The following ZNF331 variants were observed in gnomAD, a reference collection of about 807,000 sequenced individuals.
ZNF331 encodes the protein C2H2-like zinc finger protein rearranged in thyroid adenomas.
A neutral mutation model predicts 7.0 loss-of-function variants in ZNF331; 2 were observed. The observed-to-expected ratio is 0.29, with a 90% CI of 0.12 to 0.90. The LOEUF is 0.90. Among genes scored for constraint, ZNF331 ranks in the 40% least tolerant of loss-of-function variants. ZNF331 has a pLI of 0.58. For missense variants in ZNF331, 432 were observed against 587.7 expected, an observed-to-expected ratio of 0.74 and a Z score of 2.74; for synonymous variants, 196 against 205.4, an observed-to-expected ratio of 0.95 and a Z score of 0.39.
chr19:53,542,874 A>G (rs1022089009), intron 2 of ZNF331, among the ~76,000 whole-genome samples: 2 of 152,210 alleles, frequency 1.3e-5, no homozygotes, highest in African/African-American at 4.8e-5. Flanking sequence ...CAATGGCGCA[A>G]TCGCGGCTCA....
chr19:53,549,314 G>A (rs550789643), intron 2 of ZNF331, among the ~76,000 whole-genome samples: 4 of 152,164 alleles, frequency 2.6e-5, no homozygotes, highest in Admixed American at 6.5e-5. Context: ...TATTATAACC[G>A]TAATAGGTCC....
exon 1 of ZNF331, chr19:53,521,937 G>A (rs1020121084): frequency 1.3e-5 from 2 of 152,218 alleles, no homozygotes; most frequent in African/African-American, 4.8e-5. Flanking sequence ...GACGTGAGAG[G>A]CTCTACGCTA....
chr19:53,557,717 C>A (rs1456100350), intron 3 of ZNF331, among the ~76,000 whole-genome samples: 3 of 140,514 alleles, frequency 2.1e-5, no homozygotes, highest in African/African-American at 8.4e-5. Context: ...AATCCCAGGA[C>A]TTTAGGAGGC....
chr19:53,509,587 G>C, the ZNF331 span, among the ~76,000 whole-genome samples: 1 of 152,208 alleles, frequency 6.6e-6, no homozygotes, highest in African/African-American at 2.4e-5. Context: ...CCCAGGAAGA[G>C]ATTATTTAGA....
chr19:53,544,100 A>G (rs1021732590), intron 2 of ZNF331, among the ~76,000 whole-genome samples: 3 of 150,912 alleles, frequency 2.0e-5, no homozygotes, highest in Non-Finnish European at 4.4e-5. Flanking sequence ...GGTGGCATGC[A>G]CCTGTAGTCC....
In ZNF331 at chr19:53,559,141, C is replaced by G. The variant is rs1418221405; in HGVS notation, c.-74+3233C>G. Among the ~76,000 whole-genome samples the G allele has an allele frequency of 4.2e-5, 6 of 142,830 alleles. 1 individual carries two copies. The highest frequency in any genetic ancestry group is 9.6e-5 in the Non-Finnish European group (6 of 62,626). 93.7% of individuals were successfully genotyped at this position (142,830 alleles called of 152,430 possible). A position where few individuals can be genotyped will look rare whatever the true frequency, so the allele number is the denominator to read the frequency against. ...CATACATACACACACACCCCATGTA[C>G]ACACACATATACACACCTACATATA... is the stretch of plus-strand genomic sequence containing the variant. On this transcript the variant is annotated intron_variant, in intron 3 of 5. Coordinates refer to ENST00000449416, the MANE Select transcript of ZNF331 (RefSeq NM_001079906.2).
chr19:53,529,364 C>T (rs1288387954), intron 2 of ZNF331, among the ~76,000 whole-genome samples: 1 of 150,926 alleles, frequency 6.6e-6, no homozygotes, highest in Non-Finnish European at 1.5e-5. Context: ...CATGCCACTG[C>T]ACTCCAGCCT....
intron 2 of ZNF331, among the ~76,000 whole-genome samples, chr19:53,532,384 A>G (rs1445746296): frequency 6.6e-6 from 1 of 152,186 alleles, no homozygotes; most frequent in East Asian, 1.9e-4. Flanking sequence ...GATGTCCTCT[A>G]GGTTCACCCA....
At chr19:53,509,630 C>T in the ZNF331 span, among the ~76,000 whole-genome samples, 2 of 152,156 alleles carry the variant, frequency 1.3e-5, no homozygotes, top group Non-Finnish European at 2.9e-5. Flanking sequence ...AGCAGAGTAG[C>T]AGGACACAGG....
upstream of ZNF331, chr19:53,538,084 C>G (rs1003197560): frequency 3.9e-5 from 6 of 152,350 alleles, no homozygotes; most frequent in African/African-American, 1.4e-4. Context: ...GCGCTGCGGC[C>G]GCTGGGTGCG....
the ZNF331 span, among the ~76,000 whole-genome samples, chr19:53,504,786 G>A: frequency 6.6e-6 from 1 of 152,170 alleles, no homozygotes; most frequent in African/African-American, 2.4e-5. Context: ...GATAGGTTTG[G>A]TGATGCTGGG....
rs2090814211 is a variant in ZNF331, at chr19:53,578,413, C to T, written c.*461C>T. On this transcript the variant is annotated 3_prime_UTR_variant, in exon 6 of 6. Coordinates refer to ENST00000449416, the MANE Select transcript of ZNF331 (RefSeq NM_001079906.2). ...AAAAAGAAAAGAAAAAAATCATATA[C>T]TGAGGTTGCTAAGATCTACATGACA... 3 of 234,196 alleles carry T rather than the reference C, an allele frequency of 1.3e-5. No homozygotes were observed. The highest frequency in any genetic ancestry group is 1.6e-4 in the South Asian group (1 of 6,100). The allele number at this position is 234,196 out of a possible 1,614,324, so 14.5% of individuals were successfully genotyped here.
upstream of ZNF331, among the ~76,000 whole-genome samples, chr19:53,534,530 G>T (rs918091885): frequency 6.6e-6 from 1 of 151,952 alleles, no homozygotes; most frequent in African/African-American, 2.4e-5. Flanking sequence ...CAAGTGATCC[G>T]CCCACCTCGG....
At chr19:53,527,335 C>G (rs1050325557) in intron 2 of ZNF331, among the ~76,000 whole-genome samples, 1 of 152,050 alleles carries the variant, frequency 6.6e-6, no homozygotes. Flanking sequence ...AAGTGTATCT[C>G]AAAAATGTCC....
At chr19:53,543,101 G>A (rs946364925) in intron 2 of ZNF331, among the ~76,000 whole-genome samples, 1 of 151,924 alleles carries the variant, frequency 6.6e-6, no homozygotes, top group Admixed American at 6.6e-5. Context: ...GAGCCACCGC[G>A]CCCAGTGGCA....
the ZNF331 span, among the ~76,000 whole-genome samples, chr19:53,506,463 T>C: frequency 7.0e-6 from 1 of 142,624 alleles, no homozygotes; most frequent in South Asian, 2.2e-4. Flanking sequence ...TCTCTCTCTC[T>C]CTCTCTCTCT....
rs1303787702 is a variant in ZNF331 at position 53,574,504 on chromosome 19, TGTGCTGCTG to T, written c.137-2181_137-2173del. Among the ~76,000 whole-genome samples the T allele has an allele frequency of 4.0e-4, 61 of 151,672 alleles. No homozygotes were observed. The Middle Eastern group carries it at 0.017, about 42-fold the overall frequency. ...TCCTGTCATATTTAACCCCATTTTA[TGTGCTGCTG>T]GTGCTGCTGGTCTGTGGGCCACGCC... On this transcript the variant is annotated intron_variant, in intron 5 of 5. Coordinates refer to ENST00000449416, the MANE Select transcript of ZNF331 (RefSeq NM_001079906.2).
upstream of ZNF331, among the ~76,000 whole-genome samples, chr19:53,533,599 C>A (rs191920037): frequency 6.6e-6 from 1 of 152,112 alleles, no homozygotes; most frequent in Middle Eastern, 3.2e-3. Context: ...AAGTCCCCTT[C>A]AATTATTGTA....
At position 53,576,843 on chromosome 19, in the gene ZNF331, T is replaced by C. The variant is rs1600520390; in HGVS notation, c.283T>C (p.Ser95Pro). ...CEGTLERPQR[S>P]RGRYVNQMII... is the part of the protein sequence containing the mutation. ...AGGTACGCTTGAAAGACCACAGCGC[T>C]CCAGAGGGAGGTATGTCAATCAGAT... Residue 95 changes from serine to proline, a missense_variant, in exon 6 of 6, where the codon TCC becomes CCC. By Grantham distance (74) the Ser-to-Pro change is moderately conservative. Coordinates refer to ENST00000449416, the MANE Select transcript of ZNF331 (RefSeq NM_001079906.2). 1 of 1,614,044 alleles carries C rather than the reference T, an allele frequency of 6.2e-7. No individual in the cohort carries two copies. The highest frequency in any genetic ancestry group is 8.5e-7 in the Non-Finnish European group (1 of 1,180,014).
Sources: allele counts gnomAD v4.1 joint callset (sites outside exome capture counted in the v4.1 genomes callset), GRCh38; gene constraint gnomAD v4.1.1; transcripts MANE v1.5; gene names NCBI Gene and HGNC (gene_info 2026-07-23, HGNC 2026-07-21).